SPOPL: variants seen among roughly 807,000 people sequenced by gnomAD.
SPOPL encodes the protein speckle-type POZ protein-like.
In SPOPL, 23 loss-of-function variants were observed where a neutral mutation model predicts 53.8. The observed-to-expected ratio is 0.43, with a 90% CI of 0.31 to 0.61. The LOEUF is 0.61. SPOPL is among the 20% of genes least tolerant of loss of function. The pLI is 0.12. For synonymous variants in SPOPL, 164 were observed against 149.7 expected, an observed-to-expected ratio of 1.10 and a Z score of -0.70; for missense variants, 442 against 466.9, an observed-to-expected ratio of 0.95 and a Z score of 0.49.
At chr2:138,532,784 C>A (rs1009651284) in intron 1 of SPOPL, among the ~76,000 whole-genome samples, 1 of 151,890 alleles carries the variant, frequency 6.6e-6, no homozygotes, top group Non-Finnish European at 1.5e-5. Flanking sequence ...AAATGTCAGC[C>A]CACCTTTAGG....
In SPOPL at chr2:138,569,061, A is replaced by G. The variant is rs778418665; in HGVS notation, c.1160A>G (p.Lys387Arg). ...TGTCCACAGTTTGGCATTCCACGCAAACGGCTAAAACAGTCCTGAAATCTT... is the reference window on the plus strand; with the variant it reads ...TGTCCACAGTTTGGCATTCCACGCAGACGGCTAAAACAGTCCTGAAATCTT... ...AQCPQFGIPR[K>R]RLKQS Residue 387 changes from lysine to arginine, a missense_variant, in exon 11 of 11, where the codon AAA (lysine) becomes AGA (arginine). By Grantham distance (26) the Lys-to-Arg change is conservative. Transcript: ENST00000280098. The G allele has an allele frequency of 1.8e-5, 29 of 1,613,018 alleles. No individual in the cohort carries two copies. Among genetic ancestry groups the G allele is most frequent in the Non-Finnish European group, 2.3e-5 (27 of 1,179,740 alleles).
At chr2:138,565,129 C>CA (rs1415344835) in intron 10 of SPOPL, 136 bp downstream of exon 10, 24 of 1,094,258 alleles carry the variant, frequency 2.2e-5, no homozygotes, top group Non-Finnish European at 3.2e-5. Context: ...TAAAAACAAA[C>CA]AAAGACTACT....
intron 1 of SPOPL, among the ~76,000 whole-genome samples, chr2:138,511,172 G>C (rs1233795233): frequency 6.6e-6 from 1 of 152,134 alleles, no homozygotes; most frequent in Non-Finnish European, 1.5e-5. Flanking sequence ...TTGAGAACTG[G>C]CTTGAATTGT....
At chr2:138,524,443 T>C (rs113198461) in intron 1 of SPOPL, among the ~76,000 whole-genome samples, 74,841 of 152,220 alleles carry the variant, frequency 0.49, 22,311 homozygotes, top group Non-Finnish European at 0.67. Context: ...GACTCCTCAT[T>C]ACTTATGCAA....
chr2:138,533,948 A>T (rs1412734976), intron 1 of SPOPL, among the ~76,000 whole-genome samples: 1 of 152,190 alleles, frequency 6.6e-6, no homozygotes, highest in Non-Finnish European at 1.5e-5. Flanking sequence ...GCTCATAAAC[A>T]TCAGTCTCAT....
chr2:138,507,121 A>G (rs1360404291), intron 1 of SPOPL, among the ~76,000 whole-genome samples: 1 of 152,162 alleles, frequency 6.6e-6, no homozygotes, highest in South Asian at 2.1e-4. Context: ...AGAAAATTTT[A>G]TATTTCTGGT....
intron 1 of SPOPL, among the ~76,000 whole-genome samples, chr2:138,538,770 T>C (rs1020172817): frequency 6.6e-5 from 10 of 152,120 alleles, no homozygotes; most frequent in Non-Finnish European, 1.2e-4. Flanking sequence ...TATTATACTT[T>C]AAGTTTTAGG....
At position 138,525,141 on chromosome 2, in the gene SPOPL, C is replaced by T. The variant is rs528409930; in HGVS notation, c.-61+23022C>T. ...AGGTTTAATTGGACTTACAGTTCCA[C>T]GTGGCTGGGGAAGCCTCACAATCAT... On this transcript the variant is annotated intron_variant, in intron 1 of 10. Transcript: ENST00000280098. Among the ~76,000 whole-genome samples the T allele has an allele frequency of 1.4e-4, 21 of 152,300 alleles. 1 individual carries two copies. The South Asian group carries it at 2.9e-3, about 21-fold the overall frequency.
intron 5 of SPOPL, among the ~76,000 whole-genome samples, chr2:138,553,420 T>G (rs917673062): frequency 6.6e-6 from 1 of 152,162 alleles, no homozygotes; most frequent in African/African-American, 2.4e-5. Flanking sequence ...ATAGAGAATA[T>G]ACATCAGTAA....
chr2:138,524,457 T>G (rs1684627090), intron 1 of SPOPL, among the ~76,000 whole-genome samples: 1 of 152,254 alleles, frequency 6.6e-6, no homozygotes, highest in Non-Finnish European at 1.5e-5. Flanking sequence ...TATGCAAATT[T>G]CTGCAGCTGA....
At position 138,559,279 on chromosome 2, in the gene SPOPL, C is replaced by A; in HGVS notation, c.659-3C>A. ...AAAATAATGATACATAATCTTGTTA[C>A]AGCTCGATCTCCAGTTTTTAACGCC... On this transcript the variant is annotated splice_region_variant and splice_polypyrimidine_tract_variant and intron_variant, in intron 6 of 10. Coordinates refer to ENST00000280098, the MANE Select transcript of SPOPL (RefSeq NM_001001664.3). 3.1e-6 allele frequency: 5 copies of A among 1,612,910 alleles called. No individual in the cohort carries two copies. The highest frequency in any genetic ancestry group is 4.2e-6 in the Non-Finnish European group (5 of 1,179,542).
chr2:138,544,228 C>T (rs536274193), intron 1 of SPOPL, among the ~76,000 whole-genome samples: 6 of 152,306 alleles, frequency 3.9e-5, no homozygotes, highest in Non-Finnish European at 5.9e-5. Flanking sequence ...TGTCCAGCTG[C>T]GTGCTGGGAG....
chr2:138,507,632 C>A (rs1303640779), intron 1 of SPOPL, among the ~76,000 whole-genome samples: 1 of 152,144 alleles, frequency 6.6e-6, no homozygotes, highest in East Asian at 1.9e-4. Context: ...AATTTGAAAG[C>A]CTGCAAAGGC....
At chr2:138,520,415 G>T (rs539190498) in intron 1 of SPOPL, among the ~76,000 whole-genome samples, 1 of 152,078 alleles carries the variant, frequency 6.6e-6, no homozygotes, top group East Asian at 1.9e-4. Flanking sequence ...ACATACCTGC[G>T]TACATACATG....
At chr2:138,510,913 TTTAA>T (rs1473282421) in intron 1 of SPOPL, among the ~76,000 whole-genome samples, 1 of 152,220 alleles carries the variant, frequency 6.6e-6, no homozygotes, top group Non-Finnish European at 1.5e-5. Flanking sequence ...TTTAATTTCA[TTTAA>T]TTAAATTTTT....
At position 138,550,268 on chromosome 2, in the gene SPOPL, A is replaced by C. The variant is rs772767550; in HGVS notation, c.52A>C (p.Ile18Leu). 4 of 1,613,716 alleles carry C rather than the reference A, an allele frequency of 2.5e-6. No individual in the cohort carries two copies. Among genetic ancestry groups the C allele is most frequent in the Non-Finnish European group, 3.4e-6 (4 of 1,179,688 alleles). ...ACCTGGAGATATGTCTACTGGTCCC[A>C]TAGCAGAAAGCTGGTGTTACACACA... ...PLPGDMSTGP[I>L]AESWCYTQVK... Residue 18 changes from isoleucine (I) to leucine (L), a missense_variant, in exon 2 of 11, where the codon ATA becomes CTA. Ile to Leu is a conservative substitution (Grantham distance 5, BLOSUM62 2). Coordinates refer to ENST00000280098, the MANE Select transcript of SPOPL (RefSeq NM_001001664.3).
intron 3 of SPOPL, 135 bp downstream of exon 3, chr2:138,550,739 G>C: frequency 7.1e-7 from 1 of 1,417,722 alleles, no homozygotes; most frequent in South Asian, 1.4e-5. Flanking sequence ...GTTCCTAATA[G>C]TGTGGGGAAT....
intron 1 of SPOPL, among the ~76,000 whole-genome samples, chr2:138,549,362 T>C (rs1479395414): frequency 6.6e-6 from 1 of 152,150 alleles, no homozygotes; most frequent in Non-Finnish European, 1.5e-5. Context: ...GACTTCAGTA[T>C]ATATATTGTC....
In SPOPL at chr2:138,560,220, G is replaced by A. The variant is rs577860517; in HGVS notation, c.715-585G>A. ...GTATATGATAATACATGCCATTTTTGCAAATGGGAGAATTCTGAGGTAGTG... is the reference window on the plus strand; with the variant it reads ...GTATATGATAATACATGCCATTTTTACAAATGGGAGAATTCTGAGGTAGTG... On this transcript the variant is annotated intron_variant, in intron 7 of 10. Coordinates refer to ENST00000280098, the MANE Select transcript of SPOPL (RefSeq NM_001001664.3). 2.0e-5 allele frequency among the ~76,000 whole-genome samples: 3 copies of A among 152,198 alleles called. No individual in the cohort carries two copies. In the South Asian group the frequency reaches 6.2e-4, roughly 32 times the overall value.
Sources: gnomAD v4.1 joint callset for allele counts (sites outside exome capture counted in the v4.1 genomes callset) on GRCh38, gnomAD v4.1.1 for gene constraint, MANE v1.5 for transcripts, NCBI Gene and HGNC (gene_info 2026-07-23, HGNC 2026-07-21) for gene names.